EBLN1: variants seen among roughly 807,000 people sequenced by gnomAD.
EBLN1 encodes endogenous Bornavirus like nucleoprotein 1, also known as endogenous Bornavirus-like nucleoprotein 1.
EBLN1 carries 1 observed loss-of-function variant against 0.8 expected under a neutral mutation model. That is an observed-to-expected ratio of 1.32 (90% confidence interval 0.47 to 6.26). The LOEUF is 6.26. EBLN1 is among the 30% of genes most tolerant of loss of function. EBLN1 has a pLI of 0.15. For synonymous variants in EBLN1, 158 were observed against 158.5 expected, an observed-to-expected ratio of 1.00 and a Z score of 0.02; for missense variants, 396 against 447.9, an observed-to-expected ratio of 0.88 and a Z score of 1.05.
In EBLN1 at chr10:22,209,274, T is replaced by G; in HGVS notation, c.710A>C (p.Tyr237Ser). ...ATCCAGGAACATTCTCACAGTGTAG[T>G]AGGTCATCATCTGTGCTTTGCTGGC... is the stretch of plus-strand genomic sequence containing the variant. Reference protein sequence around the residue: ...VVASKAQMMTYYTVRMFLDQC... With the variant: ...VVASKAQMMTSYTVRMFLDQC... Residue 237 changes from tyrosine (Y) to serine (S), a missense_variant, in exon 3 of 3, where the codon TAC becomes TCC. Transcript: ENST00000422359. 6.3e-7 allele frequency: 1 copy of G among 1,587,234 alleles called. No homozygotes were observed. The highest frequency in any genetic ancestry group is 1.3e-5 in the African/African-American group (1 of 74,904).
At chr10:22,214,559 A>G (rs1400601210) in intron 1 of EBLN1, among the ~76,000 whole-genome samples, 4 of 152,260 alleles carry the variant, frequency 2.6e-5, no homozygotes, top group Non-Finnish European at 1.5e-5. Flanking sequence ...ATATTTGCAC[A>G]CAAAACTCAT....
chr10:22,209,879 C>A lies in EBLN1; in HGVS notation c.105G>T (p.Lys35Asn). 6.6e-7 allele frequency: 1 copy of A among 1,511,384 alleles called. No individual in the cohort carries two copies. 93.6% of individuals were successfully genotyped at this position (1,511,384 alleles called of 1,614,324 possible). ...ATGCATCTGCTGGATACTGTCTGCTCTTCCCAGAGAGCTCAAATCTCCCTT... is the reference window on the plus strand; with the variant it reads ...ATGCATCTGCTGGATACTGTCTGCTATTCCCAGAGAGCTCAAATCTCCCTT... The part of the protein sequence containing the change: ...YFQGRFELSG[K>N]SRQYPADALE... Residue 35 changes from lysine (K) to asparagine (N), a missense_variant, in exon 3 of 3, where the codon AAG becomes AAT. By Grantham distance (94) the Lys-to-Asn change is moderately conservative (BLOSUM62 0). Coordinates refer to ENST00000422359, the MANE Select transcript of EBLN1 (RefSeq NM_001394757.1).
rs180818876 is a variant in EBLN1 at position 22,209,011 on chromosome 10, T to A, written c.973A>T (p.Ile325Leu). The A allele has an allele frequency of 2.1e-4, 320 of 1,535,884 alleles. No individual in the cohort carries two copies. The highest frequency in any genetic ancestry group is 2.7e-4 in the Non-Finnish European group (304 of 1,146,914). Residue 325 changes from isoleucine to leucine, a missense_variant, in exon 3 of 3, where the codon ATA becomes TTA. By Grantham distance (5) the Ile-to-Leu change is conservative (BLOSUM62 2). Transcript: ENST00000422359. ...GGGAATGTAATAGTTGATCCTGGTA[T>A]AATGTCAAGGGCTTCAAATCCAGAA... The part of the protein sequence containing the change: ...TFSGFEALDI[I>L]PGSTITFPVL...
At chr10:22,213,012 T>C (rs560297702) in intron 1 of EBLN1, among the ~76,000 whole-genome samples, 47 bp from the exon 2 acceptor site, 8 of 151,570 alleles carry the variant, frequency 5.3e-5, no homozygotes, top group Non-Finnish European at 1.2e-4. Flanking sequence ...CAGTCTATGA[T>C]GTAAAGTGTG....
At chr10:22,210,064 T>G (rs1834736376) in intron 2 of EBLN1, 37 bp from the exon 3 acceptor site, 1 of 1,257,942 alleles carries the variant, frequency 7.9e-7, no homozygotes, top group South Asian at 3.4e-5. Context: ...CAACAAAATA[T>G]TTTTAAATTA....
Position 22,209,638 on chromosome 10 carries a change from G to A in EBLN1, c.346C>T (p.Leu116Phe). The change falls in exon 3 of 3, where the codon CTC becomes TTC. Residue 116 changes from leucine (L) to phenylalanine (F), a missense_variant. Transcript: ENST00000422359. ...IGNENKETGTLYASKFEDVLP... is the reference protein window; with the variant it reads ...IGNENKETGTFYASKFEDVLP... ...ACATCTTCAAATTTGCTAGCATAGA[G>A]AGTACCTGTTTCCTTGTTCTCATTC... The A allele has an allele frequency of 6.5e-7, 1 of 1,535,876 alleles. No individual in the cohort carries two copies. Among genetic ancestry groups the A allele is most frequent in the South Asian group, 1.2e-5 (1 of 84,062 alleles).
At chr10:22,213,131 G>C (rs1186545297) in intron 1 of EBLN1, among the ~76,000 whole-genome samples, 166 bp from the exon 2 acceptor site, 1 of 152,128 alleles carries the variant, frequency 6.6e-6, no homozygotes, top group African/African-American at 2.4e-5. Context: ...TATGGCCTCA[G>C]TAAATACACT....
chr10:22,209,926 C>T lies in EBLN1; in HGVS notation c.58G>A (p.Gly20Arg). 1 of 1,468,280 alleles carries T rather than the reference C, an allele frequency of 6.8e-7. No individual in the cohort carries two copies. The highest frequency in any genetic ancestry group is 9.0e-7 in the Non-Finnish European group (1 of 1,116,906). The allele number at this position is 1,468,280 out of a possible 1,614,324, so 91.0% of individuals were successfully genotyped here. Reference protein sequence around the residue: ...TSSPQDSTKDGSSFHYFQGRF... With the variant: ...TSSPQDSTKDRSSFHYFQGRF... Reference sequence around the variant, plus strand: ...CCTTGAAAGTAATGGAAGCTGCTCCCATCCTTTGTACTGTCTTGTGGGCTG... The same window carrying T: ...CCTTGAAAGTAATGGAAGCTGCTCCTATCCTTTGTACTGTCTTGTGGGCTG... Residue 20 changes from glycine (G) to arginine (R), a missense_variant, in exon 3 of 3, where the codon GGG becomes AGG. Gly to Arg is a moderately radical substitution (Grantham distance 125). Transcript: ENST00000422359.
intron 1 of EBLN1, among the ~76,000 whole-genome samples, chr10:22,214,896 A>T (rs1834779496): frequency 6.6e-6 from 1 of 152,236 alleles, no homozygotes; most frequent in African/African-American, 2.4e-5. Flanking sequence ...TCCAATATCC[A>T]TCAACTGATA....
At chr10:22,212,223 GTTAAT>G (rs1834760769) in intron 2 of EBLN1, among the ~76,000 whole-genome samples, 1 of 152,126 alleles carries the variant, frequency 6.6e-6, no homozygotes, top group African/African-American at 2.4e-5. Flanking sequence ...AAAGATGACA[GTTAAT>G]TTAATTAATA....
At chr10:22,216,976 G>A (rs1244535733) in intron 1 of EBLN1, among the ~76,000 whole-genome samples, 1 of 152,078 alleles carries the variant, frequency 6.6e-6, no homozygotes, top group African/African-American at 2.4e-5. Context: ...AAACTTGTGC[G>A]CTGCATCATT....
At chr10:22,213,804 T>C (rs895288728) in intron 1 of EBLN1, among the ~76,000 whole-genome samples, 2 of 152,132 alleles carry the variant, frequency 1.3e-5, no homozygotes, top group African/African-American at 4.8e-5. Context: ...TTAGAAAACA[T>C]AACAAAACTT....
At chr10:22,214,383 G>A (rs1468078106) in intron 1 of EBLN1, among the ~76,000 whole-genome samples, 1 of 150,046 alleles carries the variant, frequency 6.7e-6, no homozygotes, top group Admixed American at 6.7e-5. Flanking sequence ...CACCGCTGCT[G>A]CAACCTCCTG....
At chr10:22,210,291 C>G (rs1054324136) in intron 2 of EBLN1, among the ~76,000 whole-genome samples, 3 of 152,246 alleles carry the variant, frequency 2.0e-5, no homozygotes, top group African/African-American at 7.2e-5. Context: ...GAGTCAACCA[C>G]TCATTTCGAG....
rs950216806 is a variant in EBLN1, at chr10:22,209,152, A to C, written c.832T>G (p.Phe278Val). 4 of 1,535,724 alleles carry C rather than the reference A, an allele frequency of 2.6e-6. No homozygotes were observed. The highest frequency in any genetic ancestry group is 3.5e-6 in the Non-Finnish European group (4 of 1,146,926). Residue 278 changes from phenylalanine (F) to valine (V), a missense_variant, in exon 3 of 3, where the codon TTC (phenylalanine) becomes GTC (valine). Transcript: ENST00000422359. ...KPLAKKVLGD[F>V]FEFGGVLRHP... Reference sequence around the variant, plus strand: ...CGAAGTACACCCCCAAATTCAAAGAAATCTCCAAGTACCTTTTTAGCCAGT... The same window carrying C: ...CGAAGTACACCCCCAAATTCAAAGACATCTCCAAGTACCTTTTTAGCCAGT...
chr10:22,216,376 T>G (rs1274150207), intron 1 of EBLN1, among the ~76,000 whole-genome samples: 1 of 152,184 alleles, frequency 6.6e-6, no homozygotes, highest in East Asian at 1.9e-4. Context: ...AAACATTTAG[T>G]CTTCAAACTG....
intron 2 of EBLN1, among the ~76,000 whole-genome samples, chr10:22,211,010 G>A (rs1834747892): frequency 6.6e-6 from 1 of 152,166 alleles, no homozygotes; most frequent in South Asian, 2.1e-4. Flanking sequence ...AATATTGCAT[G>A]CCCTGCTTTA....
chr10:22,210,047 G>T lies in EBLN1; in HGVS notation c.-44-20C>A. 2 of 1,275,718 alleles carry T rather than the reference G, an allele frequency of 1.6e-6. No individual in the cohort carries two copies. Among genetic ancestry groups the T allele is most frequent in the South Asian group, 3.3e-5 (1 of 29,886 alleles). The allele number at this position is 1,275,718 out of a possible 1,614,324, so 79.0% of individuals were successfully genotyped here. A position where few individuals can be genotyped will look rare whatever the true frequency, so the allele number is the denominator to read the frequency against. ...ACTGTACTAAAAAAATATAGAGAAT[G>T]GCAATACAACAAAATATTTTTAAAT... On this transcript the variant is annotated intron_variant, in intron 2 of 2. Coordinates refer to ENST00000422359, the MANE Select transcript of EBLN1 (RefSeq NM_001394757.1).
chr10:22,217,965 G>A lies in EBLN1; in HGVS notation c.-218C>T, dbSNP rs1270088866. On this transcript the variant is annotated 5_prime_UTR_variant, in exon 1 of 3. Transcript: ENST00000422359. Reference sequence around the variant, plus strand: ...CAGGAAACTACAAGCATGGCTGAAGGAGGAGAAGCAAGCACCTTCCTCACA... The same window carrying A: ...CAGGAAACTACAAGCATGGCTGAAGAAGGAGAAGCAAGCACCTTCCTCACA... 1.3e-5 allele frequency: 2 copies of A among 152,462 alleles called. No individual in the cohort carries two copies. The highest frequency in any genetic ancestry group is 4.8e-5 in the African/African-American group (2 of 41,582). The allele number at this position is 152,462 out of a possible 1,614,324, so 9.4% of individuals were successfully genotyped here.
Sources: allele counts gnomAD v4.1 joint callset (sites outside exome capture counted in the v4.1 genomes callset), GRCh38; gene constraint gnomAD v4.1.1; transcripts MANE v1.5; gene names NCBI Gene and HGNC (gene_info 2026-07-23, HGNC 2026-07-21).